Variants in EXOC6B observed in about 807,000 individuals in gnomAD.
EXOC6B encodes the protein SEC15 homolog B.
A neutral mutation model predicts 113.5 loss-of-function variants in EXOC6B; 54 were observed. The ratio of observed to expected loss-of-function variants is 0.48; its 90% CI spans 0.38 to 0.60. The LOEUF is 0.60. EXOC6B is among the 20% of genes least tolerant of loss of function. The pLI is 0.00. For missense variants in EXOC6B, 797 were observed against 977.5 expected (o/e 0.82, Z 2.46); for synonymous variants, 357 against 339.0 (o/e 1.05, Z -0.58).
At chr2:72,215,985 A>G (rs532014594) in intron 20 of EXOC6B, among the ~76,000 whole-genome samples, 3 of 152,278 alleles carry the variant, frequency 2.0e-5, no homozygotes, top group Non-Finnish European at 4.4e-5. Context: ...TGGAATAAAA[A>G]ACAAACCAAA....
At chr2:72,318,507 C>T (rs1020596264) in intron 20 of EXOC6B, among the ~76,000 whole-genome samples, 3 of 152,016 alleles carry the variant, frequency 2.0e-5, no homozygotes, top group Admixed American at 6.6e-5. Context: ...AATTCTCCTG[C>T]CTCAGGCTCT....
At chr2:72,798,307 C>T (rs910756406) in intron 1 of EXOC6B, among the ~76,000 whole-genome samples, 16 of 151,686 alleles carry the variant, frequency 1.1e-4, no homozygotes, top group African/African-American at 3.9e-4. Flanking sequence ...TAATTTTTAA[C>T]AATTCTTAAG....
chr2:72,373,194 G>A (rs1318502734), intron 19 of EXOC6B, among the ~76,000 whole-genome samples: 4 of 151,148 alleles, frequency 2.6e-5, no homozygotes, highest in African/African-American at 4.9e-5. Flanking sequence ...TCAGCCTCTC[G>A]AGTAGCTGGG....
intron 1 of EXOC6B, among the ~76,000 whole-genome samples, chr2:72,784,397 G>T (rs935307728): frequency 2.6e-5 from 4 of 152,092 alleles, no homozygotes; most frequent in Non-Finnish European, 5.9e-5. Context: ...TTGATACTTT[G>T]ATAAGGATTG....
intron 8 of EXOC6B, among the ~76,000 whole-genome samples, chr2:72,545,282 T>G (rs1230310432): frequency 6.6e-6 from 1 of 152,150 alleles, no homozygotes; most frequent in African/African-American, 2.4e-5. Flanking sequence ...GTATCTTTTT[T>G]TCATTTGCCA....
intron 6 of EXOC6B, among the ~76,000 whole-genome samples, chr2:72,628,305 T>G (rs1672183274): frequency 6.6e-6 from 1 of 151,914 alleles, no homozygotes; most frequent in African/African-American, 2.4e-5. Context: ...TTCTTTTAAT[T>G]TTTTGTAGAG....
At chr2:72,236,141 G>A (rs1334122114) in intron 20 of EXOC6B, among the ~76,000 whole-genome samples, 3 of 152,136 alleles carry the variant, frequency 2.0e-5, no homozygotes, top group Non-Finnish European at 2.9e-5. Context: ...AACTGAGAAG[G>A]TTCCTCTCCT....
At chr2:72,225,088 G>A (rs1410596837) in intron 20 of EXOC6B, among the ~76,000 whole-genome samples, 1 of 150,250 alleles carries the variant, frequency 6.7e-6, no homozygotes, top group African/African-American at 2.4e-5. Context: ...CTGGGCTGAA[G>A]TGATGCATCC....
Position 72,187,360 on chromosome 2 carries a change from G to C in EXOC6B, c.2197-3173C>G, listed in dbSNP as rs1357797001. ...TTTCAGCCATGTTTGTGTTACCCCA[G>C]CTCTTTTAGCCTTACCATTCAGTGG... On this transcript the variant is annotated intron_variant, in intron 20 of 21. Transcript: ENST00000272427. Among the ~76,000 whole-genome samples the C allele has an allele frequency of 2.6e-5, 4 of 152,140 alleles. No individual in the cohort carries two copies. In the East Asian group the frequency reaches 7.8e-4, roughly 30 times the overall value.
chr2:72,387,858 A>T (rs564760323), intron 18 of EXOC6B, among the ~76,000 whole-genome samples: 2 of 151,748 alleles, frequency 1.3e-5, no homozygotes, highest in East Asian at 3.9e-4. Flanking sequence ...TTTCCTATTG[A>T]GCTGGGTTTC....
At chr2:72,294,483 A>G in intron 20 of EXOC6B, among the ~76,000 whole-genome samples, 1 of 152,074 alleles carries the variant, frequency 6.6e-6, no homozygotes, top group Non-Finnish European at 1.5e-5. Context: ...ACGGGGTCTC[A>G]TTATGGGTTG....
At chr2:72,683,222 T>G (rs1437256903) in intron 6 of EXOC6B, among the ~76,000 whole-genome samples, 1 of 152,154 alleles carries the variant, frequency 6.6e-6, no homozygotes, top group African/African-American at 2.4e-5. Context: ...GAGCTATGTG[T>G]TTTTCATTGT....
chr2:72,234,274 C>T (rs1293902620), intron 20 of EXOC6B, among the ~76,000 whole-genome samples: 10 of 151,836 alleles, frequency 6.6e-5, no homozygotes, highest in Admixed American at 1.3e-4. Context: ...TTAGTAGAGA[C>T]GGGTTTCACC....
intron 1 of EXOC6B, among the ~76,000 whole-genome samples, chr2:72,811,654 A>T (rs1383848134): frequency 6.6e-6 from 1 of 152,226 alleles, no homozygotes; most frequent in Non-Finnish European, 1.5e-5. Context: ...ATAAGTATAG[A>T]TCAAAAATCC....
intron 6 of EXOC6B, among the ~76,000 whole-genome samples, chr2:72,694,493 T>C (rs1159889835): frequency 6.6e-6 from 1 of 152,162 alleles, no homozygotes; most frequent in Non-Finnish European, 1.5e-5. Flanking sequence ...CTTATCTCAG[T>C]GACTCACAAA....
At chr2:72,806,146 C>G (rs1003455584) in intron 1 of EXOC6B, among the ~76,000 whole-genome samples, 1 of 152,070 alleles carries the variant, frequency 6.6e-6, no homozygotes, top group African/African-American at 2.4e-5. Flanking sequence ...GACACAGTAC[C>G]CAATAGGTAG....
chr2:72,581,024 A>G (rs1431984835), intron 6 of EXOC6B, among the ~76,000 whole-genome samples: 1 of 152,218 alleles, frequency 6.6e-6, no homozygotes, highest in Non-Finnish European at 1.5e-5. Flanking sequence ...TAAACCAGTC[A>G]CATATCAACT....
chr2:72,664,751 T>C (rs1675271837), intron 6 of EXOC6B, among the ~76,000 whole-genome samples: 1 of 152,158 alleles, frequency 6.6e-6, no homozygotes, highest in African/African-American at 2.4e-5. Flanking sequence ...CTTTGAAAGG[T>C]TCCAGTTTGG....
At chr2:72,550,941 C>T (rs1420831384) in intron 8 of EXOC6B, among the ~76,000 whole-genome samples, 2 of 137,126 alleles carry the variant, frequency 1.5e-5, no homozygotes, top group South Asian at 2.3e-4. Flanking sequence ...TTTTTTGAGA[C>T]GGAGTCTCAC....
Sources: gnomAD v4.1 joint callset for allele counts (sites outside exome capture counted in the v4.1 genomes callset) on GRCh38, gnomAD v4.1.1 for gene constraint, MANE v1.5 for transcripts, NCBI Gene and HGNC (gene_info 2026-07-23, HGNC 2026-07-21) for gene names.